The following NDEL1 variants were observed in gnomAD, a reference collection of about 807,000 sequenced individuals.
NDEL1 encodes nudE neurodevelopment protein 1 like 1, also known as nuclear distribution protein nudE-like 1.
Under a neutral mutation model 45.7 loss-of-function variants are expected in NDEL1, and 9 were observed. The observed-to-expected ratio is 0.20, with a 90% CI of 0.12 to 0.34. NDEL1 has a LOEUF of 0.34. Among genes scored for constraint, NDEL1 ranks in the 10% least tolerant of loss-of-function variants. The pLI is 1.00. For synonymous variants in NDEL1, 133 were observed against 158.6 expected, an observed-to-expected ratio of 0.84 and a Z score of 1.21; for missense variants, 306 against 406.2, an observed-to-expected ratio of 0.75 and a Z score of 2.12.
In NDEL1 at chr17:8,467,168, C is replaced by T. The variant is rs1298365329; in HGVS notation, c.*145C>T. The T allele has an allele frequency of 2.9e-5, 21 of 731,000 alleles. No homozygotes were observed. Among genetic ancestry groups the T allele is most frequent in the Non-Finnish European group, 1.4e-5 (6 of 434,678 alleles). 45.3% of individuals were successfully genotyped at this position (731,000 alleles called of 1,614,324 possible). ...GAGGGCAGGCTGCATGCAGTGGCGG[C>T]TACTGGGCCCTGCCCAGCCCCGGAA... On this transcript the variant is annotated 3_prime_UTR_variant, in exon 9 of 9. Coordinates refer to ENST00000334527, the MANE Select transcript of NDEL1 (RefSeq NM_030808.5). This position sits in a 1 kb window ranked among gnomAD's most constrained non-coding sequence, Gnocchi z 6.3.
chr17:8,429,305 G>C (rs951112607), intron 1 of NDEL1, among the ~76,000 whole-genome samples: 1 of 152,128 alleles, frequency 6.6e-6, no homozygotes, highest in Non-Finnish European at 1.5e-5. Context: ...ATGAGTGTTT[G>C]CTAAGTGCCT....
intron 1 of NDEL1, among the ~76,000 whole-genome samples, chr17:8,427,752 C>A (rs1908874893): frequency 6.6e-6 from 1 of 152,062 alleles, no homozygotes; most frequent in South Asian, 2.1e-4. Flanking sequence ...CACCCAAAGT[C>A]TTGGAGGGGG....
intron 7 of NDEL1, among the ~76,000 whole-genome samples, chr17:8,455,487 A>C (rs1474246486): frequency 6.6e-6 from 1 of 152,170 alleles, no homozygotes; most frequent in Non-Finnish European, 1.5e-5. Flanking sequence ...CAGGAGTTCA[A>C]GACCAGCCTG....
chr17:8,469,385 C>T (rs1911777260), downstream of NDEL1, among the ~76,000 whole-genome samples: 1 of 152,236 alleles, frequency 6.6e-6, no homozygotes, highest in South Asian at 2.1e-4. Context: ...ATCTTCATCC[C>T]TGGCTCCCCA....
chr17:8,428,343 T>C (rs1908896117), intron 1 of NDEL1, among the ~76,000 whole-genome samples: 1 of 134,912 alleles, frequency 7.4e-6, no homozygotes, highest in Non-Finnish European at 1.6e-5. Context: ...TGTGTGTGTG[T>C]GTGTGTGTGT....
chr17:8,449,811 G>C (rs1910353879), intron 5 of NDEL1, among the ~76,000 whole-genome samples: 1 of 152,098 alleles, frequency 6.6e-6, no homozygotes. Flanking sequence ...CCCATCTCTT[G>C]CTATTGCGAA....
chr17:8,439,010 C>T (rs185227989), intron 1 of NDEL1, among the ~76,000 whole-genome samples: 83 of 149,742 alleles, frequency 5.5e-4, no homozygotes, highest in African/African-American at 2.0e-3. Flanking sequence ...CGCGCGCTCT[C>T]GGCTCACTGC....
chr17:8,434,838 G>A (rs914890372), upstream of NDEL1, among the ~76,000 whole-genome samples: 13 of 152,032 alleles, frequency 8.6e-5, no homozygotes, highest in Non-Finnish European at 1.6e-4. Flanking sequence ...TTGGGAGGCC[G>A]AGGCGGGCGG....
chr17:8,438,390 A>G (rs1022790735), intron 1 of NDEL1, among the ~76,000 whole-genome samples: 2 of 152,234 alleles, frequency 1.3e-5, no homozygotes, highest in Non-Finnish European at 2.9e-5. Flanking sequence ...ACATAGTTTG[A>G]AATAAGTGAA....
intron 6 of NDEL1, 87 bp from the exon 7 acceptor site, chr17:8,454,705 TTGAG>T: frequency 1.2e-6 from 1 of 865,398 alleles, no homozygotes; most frequent in Non-Finnish European, 1.9e-6. Flanking sequence ...TGATATTGTA[TTGAG>T]TGTTACACTA....
At chr17:8,448,209 C>G (rs988434886) in intron 4 of NDEL1, among the ~76,000 whole-genome samples, 1 of 152,172 alleles carries the variant, frequency 6.6e-6, no homozygotes, top group African/African-American at 2.4e-5. Context: ...CAAACTCTTA[C>G]ATATATTACA....
At chr17:8,469,072 A>G (rs894006363), downstream of NDEL1, among the ~76,000 whole-genome samples, 1 of 152,194 alleles carries the variant, frequency 6.6e-6, no homozygotes, top group African/African-American at 2.4e-5. Context: ...ACATTTCTCT[A>G]TTAATCTATA....
chr17:8,463,518 T>C (rs1180516154), intron 8 of NDEL1, among the ~76,000 whole-genome samples: 1 of 152,248 alleles, frequency 6.6e-6, no homozygotes, highest in African/African-American at 2.4e-5. Flanking sequence ...GACTTGACTG[T>C]ATGCCGTTAT....
intron 8 of NDEL1, chr17:8,464,263 A>G (rs1175642800): frequency 2.0e-5 from 3 of 152,072 alleles, no homozygotes; most frequent in Non-Finnish European, 4.4e-5. Flanking sequence ...TTTTTTACAT[A>G]TATGATTCCC....
chr17:8,419,654 T>C (rs372986678), intron 1 of NDEL1, among the ~76,000 whole-genome samples: 4 of 152,338 alleles, frequency 2.6e-5, no homozygotes, highest in Admixed American at 6.5e-5. Flanking sequence ...GTTTCCACCA[T>C]GTATCTGCTT....
chr17:8,450,188 C>T (rs1376794390), intron 5 of NDEL1, among the ~76,000 whole-genome samples: 2 of 151,450 alleles, frequency 1.3e-5, no homozygotes, highest in Non-Finnish European at 2.9e-5. Context: ...ACTTGGGAGG[C>T]TGAGGCAGGA....
chr17:8,446,204 G>T lies in NDEL1; in HGVS notation c.240+340G>T, dbSNP rs189082218. On this transcript the variant is annotated intron_variant, in intron 3 of 8. Transcript: ENST00000334527. ...GTATGTTTACAATTATATTGATAGG[G>T]AATATGCATTTATTTCATTATTGTT... Among the ~76,000 whole-genome samples, 10 of 152,302 alleles carry T rather than the reference G, an allele frequency of 6.6e-5. No individual in the cohort carries two copies. The East Asian group carries it at 1.9e-3, about 29-fold the overall frequency.
chr17:8,470,269 A>C (rs955497278), downstream of NDEL1, among the ~76,000 whole-genome samples: 1 of 151,872 alleles, frequency 6.6e-6, no homozygotes, highest in African/African-American at 2.4e-5. This position sits in a 1 kb window ranked among gnomAD's most constrained non-coding sequence, Gnocchi z 4.2. Context: ...CTGGTTTTGC[A>C]TGGCTCTCCA....
downstream of NDEL1, among the ~76,000 whole-genome samples, chr17:8,469,861 A>ATTTTTT (rs762773754): frequency 1.6e-5 from 2 of 128,650 alleles, no homozygotes; most frequent in Non-Finnish European, 3.2e-5. Context: ...TGCCTGGCTA[A>ATTTTTT]TTTTTTTTTT....
Sources: allele counts gnomAD v4.1 joint callset (sites outside exome capture counted in the v4.1 genomes callset), GRCh38; gene constraint gnomAD v4.1.1; non-coding constraint Gnocchi (gnomAD v3.1); transcripts MANE v1.5; gene names NCBI Gene and HGNC (gene_info 2026-07-23, HGNC 2026-07-21).